The following FGF10 variants were observed in gnomAD, a reference collection of about 807,000 sequenced individuals.
FGF10 encodes the protein fibroblast growth factor 10.
FGF10 carries 2 observed loss-of-function variants against 19.8 expected under a neutral mutation model. The ratio of observed to expected loss-of-function variants is 0.10; its 90% CI spans 0.04 to 0.32. The LOEUF (loss-of-function observed/expected upper bound fraction) is 0.32, where lower values mean the gene tolerates loss of function less well. FGF10 is among the 10% of genes least tolerant of loss of function. The pLI is 1.00. For missense variants in FGF10, 191 were observed against 246.3 expected (o/e 0.78, Z 1.50); for synonymous variants, 112 against 94.0 (o/e 1.19, Z -1.10).
At chr5:44,358,669 C>A (rs1165645693) in intron 1 of FGF10, among the ~76,000 whole-genome samples, 3 of 151,564 alleles carry the variant, frequency 2.0e-5, no homozygotes, top group Non-Finnish European at 4.4e-5. Flanking sequence ...CACCAATAAT[C>A]CACAGCCCAG....
At chr5:44,341,989 G>A (rs1740982221) in intron 1 of FGF10, among the ~76,000 whole-genome samples, 3 of 151,816 alleles carry the variant, frequency 2.0e-5, no homozygotes, top group Non-Finnish European at 4.4e-5. Context: ...AAGGTAGAGA[G>A]GGGAAAGCAA....
intron 1 of FGF10, among the ~76,000 whole-genome samples, chr5:44,369,619 A>T (rs946574222): frequency 6.6e-6 from 1 of 152,100 alleles, no homozygotes; most frequent in Admixed American, 6.6e-5. Context: ...TGAATATCAT[A>T]TCTTCTCTTC....
chr5:44,384,703 T>G (rs1444798523), intron 1 of FGF10, among the ~76,000 whole-genome samples: 3 of 152,124 alleles, frequency 2.0e-5, no homozygotes, highest in Non-Finnish European at 2.9e-5. Flanking sequence ...TTGAAAAATG[T>G]TGATAGTTGT....
intron 1 of FGF10, among the ~76,000 whole-genome samples, chr5:44,384,702 G>A (rs943461485): frequency 6.6e-6 from 1 of 152,078 alleles, no homozygotes; most frequent in Non-Finnish European, 1.5e-5. Flanking sequence ...TTTGAAAAAT[G>A]TTGATAGTTG....
chr5:44,358,647 G>A (rs1019351122), intron 1 of FGF10, among the ~76,000 whole-genome samples: 5 of 151,346 alleles, frequency 3.3e-5, no homozygotes, highest in South Asian at 2.1e-4. Context: ...CAGTAGCCTC[G>A]TAATGCAGTT....
At position 44,304,341 on chromosome 5, in the gene FGF10, A is replaced by G. The variant is rs968472974; in HGVS notation, c.*654T>C. 6.6e-6 allele frequency: 1 copy of G among 152,518 alleles called. No homozygotes were observed. Among genetic ancestry groups the G allele is most frequent in the Non-Finnish European group, 1.5e-5 (1 of 68,286 alleles). The allele number at this position is 152,518 out of a possible 1,614,324, so 9.4% of individuals were successfully genotyped here. A position where few individuals can be genotyped will look rare whatever the true frequency, so the allele number is the denominator to read the frequency against. ...GAGATACTCTTTAAAACCCCAAAAG[A>G]TATTTAACATCCTATTAAATAAATA... On this transcript the variant is annotated 3_prime_UTR_variant, in exon 3 of 3. Coordinates refer to ENST00000264664, the MANE Select transcript of FGF10 (RefSeq NM_004465.2).
chr5:44,331,728 A>G (rs187059514), intron 1 of FGF10, among the ~76,000 whole-genome samples: 137 of 152,188 alleles, frequency 9.0e-4, no homozygotes, highest in Admixed American at 2.4e-3. Flanking sequence ...CCCATTTTGC[A>G]TGCAAAATAC....
intron 1 of FGF10, among the ~76,000 whole-genome samples, chr5:44,381,726 G>A (rs1165784094): frequency 6.6e-6 from 1 of 152,228 alleles, no homozygotes; most frequent in East Asian, 1.9e-4. Flanking sequence ...TTAACACAAG[G>A]TCCTTGAAGA....
chr5:44,372,066 T>TA (rs775197529), intron 1 of FGF10, among the ~76,000 whole-genome samples: 2 of 152,106 alleles, frequency 1.3e-5, no homozygotes, highest in Non-Finnish European at 2.9e-5. Flanking sequence ...GTTGATGGCT[T>TA]AAAGCAACGG....
chr5:44,383,028 A>G (rs1742017284), intron 1 of FGF10, among the ~76,000 whole-genome samples: 1 of 152,258 alleles, frequency 6.6e-6, no homozygotes, highest in East Asian at 1.9e-4. Context: ...ATAAAGAAAT[A>G]TCATTTGCAC....
intron 1 of FGF10, among the ~76,000 whole-genome samples, chr5:44,361,743 C>T (rs926596402): frequency 2.0e-5 from 3 of 151,656 alleles, no homozygotes; most frequent in Admixed American, 6.6e-5. Flanking sequence ...CTTAATAAAT[C>T]TGCATTTGCT....
intron 2 of FGF10, among the ~76,000 whole-genome samples, chr5:44,309,061 C>T (rs922006055): frequency 7.2e-5 from 11 of 151,974 alleles, no homozygotes; most frequent in South Asian, 2.1e-4. Context: ...AGTTTATTTA[C>T]AAATTTAAAG....
At chr5:44,332,655 C>T (rs1436187808) in intron 1 of FGF10, among the ~76,000 whole-genome samples, 2 of 152,266 alleles carry the variant, frequency 1.3e-5, no homozygotes, top group South Asian at 2.1e-4. Context: ...CCTGGGGTGA[C>T]GCCTTAGCTT....
chr5:44,342,984 G>A (rs994480400), intron 1 of FGF10, among the ~76,000 whole-genome samples: 2 of 151,940 alleles, frequency 1.3e-5, no homozygotes, highest in South Asian at 2.1e-4. Flanking sequence ...TCAAAGTTCC[G>A]AACTTCAGGA....
intron 1 of FGF10, among the ~76,000 whole-genome samples, chr5:44,351,202 T>C (rs1181633452): frequency 6.6e-6 from 1 of 151,540 alleles, no homozygotes; most frequent in African/African-American, 2.4e-5. Context: ...TCATTCAAAA[T>C]ACACTAATCA....
At chr5:44,332,078 C>A (rs960037894) in intron 1 of FGF10, among the ~76,000 whole-genome samples, 1 of 152,080 alleles carries the variant, frequency 6.6e-6, no homozygotes, top group Non-Finnish European at 1.5e-5. Flanking sequence ...CAAGTATGAA[C>A]CCCAGTTTTC....
chr5:44,355,251 C>T (rs542680269), intron 1 of FGF10, among the ~76,000 whole-genome samples: 1 of 151,492 alleles, frequency 6.6e-6, no homozygotes, highest in South Asian at 2.1e-4. Context: ...TACCAAACCA[C>T]TCTGATGTAT....
chr5:44,361,430 C>A (rs1462367455), intron 1 of FGF10, among the ~76,000 whole-genome samples: 8 of 151,662 alleles, frequency 5.3e-5, no homozygotes, highest in Admixed American at 2.6e-4. Context: ...GAGAGCCTGA[C>A]AGTCCAGTCT....
At chr5:44,308,477 A>C (rs745741460) in intron 2 of FGF10, among the ~76,000 whole-genome samples, 1 of 152,156 alleles carries the variant, frequency 6.6e-6, no homozygotes, top group Admixed American at 6.6e-5. Flanking sequence ...CTCTTCAAAG[A>C]ATATGTACCT....
Sources: allele counts gnomAD v4.1 joint callset (sites outside exome capture counted in the v4.1 genomes callset), GRCh38; gene constraint gnomAD v4.1.1; transcripts MANE v1.5; gene names NCBI Gene and HGNC (gene_info 2026-07-23, HGNC 2026-07-21).